Variants in LYRM4 observed in about 807,000 individuals in gnomAD.
LYRM4 encodes LYR motif-containing protein 4.
A neutral mutation model predicts 11.7 loss-of-function variants in LYRM4; 9 were observed. The ratio of observed to expected loss-of-function variants is 0.77; its 90% CI spans 0.46 to 1.34. The LOEUF (loss-of-function observed/expected upper bound fraction) is 1.34, where lower values mean the gene tolerates loss of function less well. Ranked by LOEUF, LYRM4 falls within the 40% of genes most tolerant of loss-of-function variation. The pLI is 0.00. For synonymous variants in LYRM4, 42 were observed against 40.4 expected (o/e 1.04, Z -0.15); for missense variants, 133 against 112.5 (o/e 1.18, Z -0.82).
chr6:5,038,883 GGAGA>G, the LYRM4 span, among the ~76,000 whole-genome samples: 147 of 7,938 alleles, frequency 0.019, 5 homozygotes, highest in South Asian at 0.037. Flanking sequence ...GACCGTGGAG[GGAGA>G]GAGAGGGAGA....
chr6:5,077,135 C>T, the LYRM4 span, among the ~76,000 whole-genome samples: 1 of 152,164 alleles, frequency 6.6e-6, no homozygotes. Context: ...TCCCCTGAGC[C>T]AGGGGCTGTG....
chr6:5,198,550 G>C (rs1761205336), intron 2 of LYRM4, among the ~76,000 whole-genome samples: 1 of 152,212 alleles, frequency 6.6e-6, no homozygotes, highest in African/African-American at 2.4e-5. Flanking sequence ...CTGCAGCTCA[G>C]GGAGGGCCAC....
intron 1 of LYRM4, among the ~76,000 whole-genome samples, chr6:5,219,552 G>C (rs1017255678): frequency 1.3e-5 from 2 of 152,176 alleles, no homozygotes; most frequent in Non-Finnish European, 2.9e-5. Context: ...ACTACTGCAT[G>C]AAGAGTTTCT....
the LYRM4 span, among the ~76,000 whole-genome samples, chr6:5,074,505 G>T: frequency 1.3e-5 from 2 of 149,168 alleles, no homozygotes; most frequent in Non-Finnish European, 3.0e-5. Context: ...AGAAGTCAAT[G>T]CAGATAGAAA....
the LYRM4 span, among the ~76,000 whole-genome samples, chr6:5,046,552 C>T: frequency 5.3e-5 from 8 of 152,234 alleles, no homozygotes; most frequent in Non-Finnish European, 5.9e-5. Flanking sequence ...TTTACTAATA[C>T]ATCTGGTGCT....
At chr6:5,070,374 C>G in the LYRM4 span, among the ~76,000 whole-genome samples, 1 of 152,012 alleles carries the variant, frequency 6.6e-6, no homozygotes, top group Non-Finnish European at 1.5e-5. Flanking sequence ...TGGGTGGGCA[C>G]AAAAGATAAA....
chr6:5,161,044 T>C (rs1758730746), intron 2 of LYRM4, among the ~76,000 whole-genome samples: 1 of 152,192 alleles, frequency 6.6e-6, no homozygotes, highest in South Asian at 2.1e-4. Flanking sequence ...CTATGGAAAA[T>C]GCTGAGACCC....
At chr6:5,077,832 A>T in the LYRM4 span, among the ~76,000 whole-genome samples, 1 of 152,246 alleles carries the variant, frequency 6.6e-6, no homozygotes, top group Non-Finnish European at 1.5e-5. Flanking sequence ...ACATAAATAG[A>T]AGCAAAATTG....
the LYRM4 span, among the ~76,000 whole-genome samples, chr6:5,074,789 T>A: frequency 7.2e-5 from 11 of 152,108 alleles, no homozygotes; most frequent in African/African-American, 2.7e-4. Context: ...TTGATGGTGG[T>A]GATGGTGATG....
the LYRM4 span, among the ~76,000 whole-genome samples, chr6:5,062,752 C>T: frequency 1.3e-4 from 20 of 152,334 alleles, no homozygotes; most frequent in African/African-American, 4.8e-4. Context: ...ATTTACTTCT[C>T]TGTGCAAGTG....
At chr6:5,180,108 A>C (rs1581447625) in intron 2 of LYRM4, among the ~76,000 whole-genome samples, 1 of 152,336 alleles carries the variant, frequency 6.6e-6, no homozygotes, top group East Asian at 1.9e-4. Context: ...TATGGGGCTA[A>C]TCTGACAATG....
At chr6:5,177,654 T>G (rs1186110366) in intron 2 of LYRM4, among the ~76,000 whole-genome samples, 1 of 152,250 alleles carries the variant, frequency 6.6e-6, no homozygotes, top group Non-Finnish European at 1.5e-5. Flanking sequence ...AAATGTATCC[T>G]TACGGCACCA....
At chr6:5,132,211 G>A (rs1366025886) in intron 2 of LYRM4, among the ~76,000 whole-genome samples, 4 of 152,214 alleles carry the variant, frequency 2.6e-5, no homozygotes, top group Admixed American at 2.6e-4. Context: ...TACTGGGCAT[G>A]TGCTAAGCTT....
chr6:5,181,021 T>C (rs1760039460), intron 2 of LYRM4, among the ~76,000 whole-genome samples: 1 of 152,264 alleles, frequency 6.6e-6, no homozygotes, highest in African/African-American at 2.4e-5. Context: ...GCAGACTTTA[T>C]GCACAGAGTT....
Position 5,148,324 on chromosome 6 carries a change from A to C in LYRM4, c.208-38833T>G, listed in dbSNP as rs182608367. On this transcript the variant is annotated intron_variant, in intron 2 of 2. Coordinates refer to ENST00000330636, the MANE Select transcript of LYRM4 (RefSeq NM_020408.6). ...ATCATCCACTACCCAGTGCCTCAAT[A>C]TTCACTGAAACGTAAAAGCAGGAAG... is the stretch of plus-strand genomic sequence containing the variant. The C allele has an allele frequency of 3.3e-3, 504 of 155,038 alleles. 3 individuals are homozygous for C. The highest frequency in any genetic ancestry group is 3.8e-3 in the Non-Finnish European group (260 of 68,304). The allele number at this position is 155,038 out of a possible 1,614,324, so 9.6% of individuals were successfully genotyped here. A position where few individuals can be genotyped will look rare whatever the true frequency, so the allele number is the denominator to read the frequency against.
At chr6:5,051,127 A>C in the LYRM4 span, among the ~76,000 whole-genome samples, 1 of 152,238 alleles carries the variant, frequency 6.6e-6, no homozygotes, top group African/African-American at 2.4e-5. Context: ...GACTCTGAGG[A>C]CTTGAAGGCC....
chr6:5,177,416 C>T (rs1207342325), intron 2 of LYRM4, among the ~76,000 whole-genome samples: 2 of 152,182 alleles, frequency 1.3e-5, no homozygotes, highest in African/African-American at 2.4e-5. Context: ...CCCAGCTCTC[C>T]GGGATGACCC....
chr6:5,073,242 C>T, the LYRM4 span, among the ~76,000 whole-genome samples: 2 of 152,020 alleles, frequency 1.3e-5, no homozygotes, highest in African/African-American at 2.4e-5. Flanking sequence ...TGGTGGCACA[C>T]GCCTGTTATC....
chr6:5,238,668 A>G (rs1763689982), intron 1 of LYRM4, among the ~76,000 whole-genome samples: 1 of 152,236 alleles, frequency 6.6e-6, no homozygotes, highest in African/African-American at 2.4e-5. Flanking sequence ...GTGAAGAACA[A>G]TAAAATGTTA....
Sources: allele counts gnomAD v4.1 joint callset (sites outside exome capture counted in the v4.1 genomes callset), GRCh38; gene constraint gnomAD v4.1.1; transcripts MANE v1.5; gene names NCBI Gene and HGNC (gene_info 2026-07-23, HGNC 2026-07-21).